Variants in GALNT18 observed in about 807,000 individuals in gnomAD.
GALNT18 encodes the protein GalNAc-transferase 18.
In GALNT18, 44 loss-of-function variants were observed where a neutral mutation model predicts 69.5. The ratio of observed to expected loss-of-function variants is 0.63; its 90% CI spans 0.50 to 0.81. GALNT18 has a LOEUF of 0.81. Among genes scored for constraint, GALNT18 ranks in the 40% least tolerant of loss-of-function variants. The probability of loss-of-function intolerance (pLI) is 0.00; values close to 1 mark genes in which losing one functional copy is unlikely to be tolerated. For missense variants in GALNT18, 715 were observed against 810.0 expected (o/e 0.88, Z 1.42); for synonymous variants, 364 against 318.2 (o/e 1.14, Z -1.53).
At chr11:11,451,108 C>T (rs1289984132) in intron 1 of GALNT18, among the ~76,000 whole-genome samples, 1 of 152,190 alleles carries the variant, frequency 6.6e-6, no homozygotes, top group African/African-American at 2.4e-5. Flanking sequence ...TCTTCTAAGA[C>T]ACAGCATTGT....
rs752611332 is a variant in GALNT18 at position 11,621,334 on chromosome 11, A to T, written c.235+25T>A. 40 of 1,599,520 alleles carry T rather than the reference A, an allele frequency of 2.5e-5. No homozygotes were observed. In the Middle Eastern group the frequency reaches 6.7e-4, roughly 27 times the overall value. On this transcript the variant is annotated intron_variant, in intron 1 of 10. Transcript: ENST00000227756. The surrounding 1 kb of genome is among the most constrained non-coding windows in gnomAD (Gnocchi z 9.3). ...GGGGCACTCCCGGGCCTCATGGGCGACCCAAGTTTCCGGGGCGCCCGTACC... is the reference window on the plus strand; with the variant it reads ...GGGGCACTCCCGGGCCTCATGGGCGTCCCAAGTTTCCGGGGCGCCCGTACC...
rs1435705535 is a variant in GALNT18, at chr11:11,463,874, T to A, written c.236-14938A>T. On this transcript the variant is annotated intron_variant, in intron 1 of 10. Transcript: ENST00000227756. The surrounding 1 kb of genome is among the most constrained non-coding windows in gnomAD (Gnocchi z 4.2). The stretch of plus-strand genomic sequence containing the variant: ...CTCTGTATTATGAATGCAGTATGTG[T>A]CCGGCGGAATGTGTGCAAAAACCGT... 6.6e-6 allele frequency among the ~76,000 whole-genome samples: 1 copy of A among 152,222 alleles called. No homozygotes were observed. Among genetic ancestry groups the A allele is most frequent in the Non-Finnish European group, 1.5e-5 (1 of 68,034 alleles).
At chr11:11,457,362 C>T (rs1423224413) in intron 1 of GALNT18, among the ~76,000 whole-genome samples, 1 of 152,200 alleles carries the variant, frequency 6.6e-6, no homozygotes, top group Non-Finnish European at 1.5e-5. Context: ...CTTGCCATCG[C>T]TGGAGATAGA....
chr11:11,360,773 T>A (rs1306734474), intron 6 of GALNT18, among the ~76,000 whole-genome samples: 2 of 152,230 alleles, frequency 1.3e-5, no homozygotes, highest in African/African-American at 2.4e-5. Context: ...TAGTTTTTGC[T>A]ATGCTCATTT....
intron 6 of GALNT18, among the ~76,000 whole-genome samples, chr11:11,370,588 GA>G (rs67012287): frequency 0.42 from 61,068 of 145,612 alleles, 13,380 homozygotes; most frequent in African/African-American, 0.55. Flanking sequence ...AGAGATGGAG[GA>G]AAAAAAAAAA....
intron 1 of GALNT18, among the ~76,000 whole-genome samples, chr11:11,489,390 A>G (rs1856714338): frequency 6.6e-6 from 1 of 152,206 alleles, no homozygotes; most frequent in African/African-American, 2.4e-5. Context: ...AAACCTATGC[A>G]TCTGAGCTGA....
chr11:11,515,018 G>A (rs530165708), intron 1 of GALNT18, among the ~76,000 whole-genome samples: 1 of 152,222 alleles, frequency 6.6e-6, no homozygotes, highest in Non-Finnish European at 1.5e-5. Flanking sequence ...ACGCTTGTGT[G>A]GTCCAAATGA....
At chr11:11,581,128 A>T (rs1160418058) in intron 1 of GALNT18, among the ~76,000 whole-genome samples, 1 of 152,216 alleles carries the variant, frequency 6.6e-6, no homozygotes. Context: ...AGGCTGCGGC[A>T]GCCAGAGAGA....
Position 11,421,335 on chromosome 11 carries a change from G to C in GALNT18, c.595+11286C>G, listed in dbSNP as rs534531227. On this transcript the variant is annotated intron_variant, in intron 3 of 10. Coordinates refer to ENST00000227756, the MANE Select transcript of GALNT18 (RefSeq NM_198516.3). The surrounding 1 kb of genome is among the most constrained non-coding windows in gnomAD (Gnocchi z 5.6). ...CAAAGAGGCGGGTGACTCAAGAGCT[G>C]ATATACTTAGGCATCACTAAGGATG... is the stretch of plus-strand genomic sequence containing the variant. Among the ~76,000 whole-genome samples, 59 of 152,260 alleles carry C rather than the reference G, an allele frequency of 3.9e-4. 1 individual carries two copies. The highest frequency in any genetic ancestry group is 1.4e-3 in the African/African-American group (57 of 41,550).
In GALNT18 at chr11:11,463,295, C is replaced by G. The variant is rs758719649; in HGVS notation, c.236-14359G>C. 1.3e-5 allele frequency among the ~76,000 whole-genome samples: 2 copies of G among 152,142 alleles called. No individual in the cohort carries two copies. Among genetic ancestry groups the G allele is most frequent in the Non-Finnish European group, 2.9e-5 (2 of 68,022 alleles). ...AAGCTCATCCTGAAAACAGATTCTT[C>G]TAGTCCCAAGTGGTTGCTCACTGCT... On this transcript the variant is annotated intron_variant, in intron 1 of 10. Coordinates refer to ENST00000227756, the MANE Select transcript of GALNT18 (RefSeq NM_198516.3). This position sits in a 1 kb window ranked among gnomAD's most constrained non-coding sequence, Gnocchi z 4.2.
rs909140939 is a variant in GALNT18 at position 11,606,900 on chromosome 11, T to C, written c.235+14459A>G. ...GGTCTTGGATCCTTCAGCAAACAGT[T>C]TGAGGGTGAGGATGCTGATGTTATT... On this transcript the variant is annotated intron_variant, in intron 1 of 10. Transcript: ENST00000227756. The surrounding 1 kb of genome is among the most constrained non-coding windows in gnomAD (Gnocchi z 5.4). Among the ~76,000 whole-genome samples the C allele has an allele frequency of 1.3e-5, 2 of 152,118 alleles. No homozygotes were observed. Among genetic ancestry groups the C allele is most frequent in the Non-Finnish European group, 2.9e-5 (2 of 68,022 alleles).
rs1428895208 is a variant in GALNT18, at chr11:11,497,493, G to T, written c.236-48557C>A. Among the ~76,000 whole-genome samples the T allele has an allele frequency of 6.6e-6, 1 of 151,982 alleles. No individual in the cohort carries two copies. The highest frequency in any genetic ancestry group is 1.5e-5 in the Non-Finnish European group (1 of 68,006). ...ACCTCCAGAACCTGGAACAGTGTTA[G>T]GCACAAAATAGCTGATTAATAAATT... On this transcript the variant is annotated intron_variant, in intron 1 of 10. Transcript: ENST00000227756. The surrounding 1 kb of genome is among the most constrained non-coding windows in gnomAD (Gnocchi z 4.2).
Position 11,372,710 on chromosome 11 carries a change from G to A in GALNT18, c.978-81C>T. 10 of 1,083,410 alleles carry A rather than the reference G, an allele frequency of 9.2e-6. No homozygotes were observed. Among genetic ancestry groups the A allele is most frequent in the South Asian group, 1.3e-5 (1 of 76,890 alleles). The allele number at this position is 1,083,410 out of a possible 1,614,324, so 67.1% of individuals were successfully genotyped here. On this transcript the variant is annotated intron_variant, in intron 5 of 10. Transcript: ENST00000227756. The surrounding 1 kb of genome is among the most constrained non-coding windows in gnomAD (Gnocchi z 4.9). ...GAGCAGTAAGGCCTTCCTATCAGGA[G>A]GGTCTGGTTCTCTTCCTTCCTTTGC...
chr11:11,300,851 G>A (rs1286128213), intron 9 of GALNT18, among the ~76,000 whole-genome samples: 2 of 152,198 alleles, frequency 1.3e-5, no homozygotes, highest in African/African-American at 2.4e-5. Context: ...TGGGCACGGG[G>A]ATTTATTCCA....
Position 11,579,497 on chromosome 11 carries a change from G to C in GALNT18, c.235+41862C>G, listed in dbSNP as rs569364842. On this transcript the variant is annotated intron_variant, in intron 1 of 10. Transcript: ENST00000227756. Reference sequence around the variant, plus strand: ...AATGGAGCTGCTCGGATTAGGTGGGGGTTGAGGTGGGAGTTTCTATCCCTG... The same window carrying C: ...AATGGAGCTGCTCGGATTAGGTGGGCGTTGAGGTGGGAGTTTCTATCCCTG... Among the ~76,000 whole-genome samples, 4 of 152,280 alleles carry C rather than the reference G, an allele frequency of 2.6e-5. No individual in the cohort carries two copies. The East Asian group carries it at 7.7e-4, about 29-fold the overall frequency.
chr11:11,461,810 C>G lies in GALNT18; in HGVS notation c.236-12874G>C, dbSNP rs1856050193. Among the ~76,000 whole-genome samples the G allele has an allele frequency of 6.6e-6, 1 of 152,204 alleles. No individual in the cohort carries two copies. Among genetic ancestry groups the G allele is most frequent in the South Asian group, 2.1e-4 (1 of 4,834 alleles). ...CCTTGCCAGTAGGACAGCCTGCAGC[C>G]CAGAACAATGCCAGACGCCATGACT... On this transcript the variant is annotated intron_variant, in intron 1 of 10. Coordinates refer to ENST00000227756, the MANE Select transcript of GALNT18 (RefSeq NM_198516.3). The surrounding 1 kb of genome is among the most constrained non-coding windows in gnomAD (Gnocchi z 4.1).
chr11:11,487,362 G>T (rs368072230), intron 1 of GALNT18, among the ~76,000 whole-genome samples: 111 of 152,030 alleles, frequency 7.3e-4, no homozygotes, highest in African/African-American at 2.6e-3. Flanking sequence ...CACTATTAAA[G>T]AACTTACTCA....
At chr11:11,498,117 CAT>C (rs991141316) in intron 1 of GALNT18, among the ~76,000 whole-genome samples, 1 of 152,154 alleles carries the variant, frequency 6.6e-6, no homozygotes, top group African/African-American at 2.4e-5. Context: ...GGATTATGTA[CAT>C]ATGTCTTCTA....
intron 6 of GALNT18, among the ~76,000 whole-genome samples, chr11:11,370,286 G>A (rs992398113): frequency 1.4e-4 from 21 of 152,158 alleles, no homozygotes; most frequent in East Asian, 1.9e-4. Context: ...ATACACAATC[G>A]TATGGTGTAA....
Sources: allele counts gnomAD v4.1 joint callset (sites outside exome capture counted in the v4.1 genomes callset), GRCh38; gene constraint gnomAD v4.1.1; non-coding constraint Gnocchi (gnomAD v3.1); transcripts MANE v1.5; gene names NCBI Gene and HGNC (gene_info 2026-07-23, HGNC 2026-07-21).